The following PIK3C2G variants were observed in gnomAD, a reference collection of about 807,000 sequenced individuals.
PIK3C2G encodes the protein phosphatidylinositol-4-phosphate 3-kinase catalytic subunit type 2 gamma.
A neutral mutation model predicts 181.1 loss-of-function variants in PIK3C2G; 168 were observed. The observed-to-expected ratio is 0.93, with a 90% CI of 0.82 to 1.05. The LOEUF (loss-of-function observed/expected upper bound fraction) is 1.05. Ranked by LOEUF, PIK3C2G falls within the 50% of genes least tolerant of loss-of-function variation. PIK3C2G has a pLI of 0.00. For missense variants in PIK3C2G, 1,869 were observed against 1,732.8 expected, an observed-to-expected ratio of 1.08 and a Z score of -1.40; for synonymous variants, 573 against 592.2, an observed-to-expected ratio of 0.97 and a Z score of 0.47.
chr12:18,276,909 C>A (rs979871395), intron 1 of PIK3C2G, among the ~76,000 whole-genome samples: 4 of 152,070 alleles, frequency 2.6e-5, no homozygotes, highest in Non-Finnish European at 4.4e-5. Context: ...AATCTTTAGG[C>A]AGTTTAATGG....
At chr12:18,611,493 T>C (rs1948332289) in intron 31 of PIK3C2G, among the ~76,000 whole-genome samples, 1 of 152,126 alleles carries the variant, frequency 6.6e-6, no homozygotes, top group Non-Finnish European at 1.5e-5. Flanking sequence ...CTTACTTGTT[T>C]TTCTTTTCCA....
the PIK3C2G span, among the ~76,000 whole-genome samples, chr12:18,659,789 G>A: frequency 6.0e-5 from 9 of 150,618 alleles, no homozygotes; most frequent in Non-Finnish European, 1.0e-4. Context: ...TCGTTATTTA[G>A]CATTATGTAT....
intron 16 of PIK3C2G, among the ~76,000 whole-genome samples, chr12:18,420,465 A>G (rs1004772684): frequency 6.6e-6 from 1 of 152,140 alleles, no homozygotes; most frequent in Non-Finnish European, 1.5e-5. Context: ...AGCTGTATTA[A>G]ATTATTTTTG....
Position 18,478,720 on chromosome 12 carries a change from G to A in PIK3C2G, c.2505-9729G>A, listed in dbSNP as rs535001090. Reference sequence around the variant, plus strand: ...AGGCTGGGCATGGTGGCTCATGCCTGTAATCCCAACACTTTGGGAGGCCAA... The same window carrying A: ...AGGCTGGGCATGGTGGCTCATGCCTATAATCCCAACACTTTGGGAGGCCAA... On this transcript the variant is annotated intron_variant, in intron 18 of 32. Coordinates refer to ENST00000538779, the MANE Select transcript of PIK3C2G (RefSeq NM_001288772.2). Among the ~76,000 whole-genome samples, 4 of 152,282 alleles carry A rather than the reference G, an allele frequency of 2.6e-5. No individual in the cohort carries two copies. The South Asian group carries it at 8.3e-4, about 32-fold the overall frequency.
chr12:18,267,352 CAT>C (rs1452990085), intron 1 of PIK3C2G, among the ~76,000 whole-genome samples: 6 of 151,962 alleles, frequency 3.9e-5, no homozygotes, highest in African/African-American at 7.3e-5. Context: ...TAATAGAACA[CAT>C]GATTTCTTAA....
chr12:18,635,058 C>A (rs967625639), intron 31 of PIK3C2G, among the ~76,000 whole-genome samples: 2 of 152,214 alleles, frequency 1.3e-5, no homozygotes, highest in African/African-American at 4.8e-5. Context: ...AGCAGGTGAA[C>A]TGCTTGAAAT....
At chr12:18,518,744 A>C (rs1312258271) in intron 24 of PIK3C2G, among the ~76,000 whole-genome samples, 3 of 151,884 alleles carry the variant, frequency 2.0e-5, no homozygotes, top group African/African-American at 7.3e-5. Flanking sequence ...ATTCTGCTTT[A>C]ATCTTAGTTA....
At chr12:18,377,055 C>T (rs1942498430) in intron 13 of PIK3C2G, among the ~76,000 whole-genome samples, 1 of 152,200 alleles carries the variant, frequency 6.6e-6, no homozygotes, top group Non-Finnish European at 1.5e-5. Flanking sequence ...CTGGGCTCTA[C>T]TCTTGCACAT....
At chr12:18,438,845 A>G (rs1946585274) in intron 18 of PIK3C2G, among the ~76,000 whole-genome samples, 1 of 151,904 alleles carries the variant, frequency 6.6e-6, no homozygotes, top group Non-Finnish European at 1.5e-5. Context: ...TTTATTACCT[A>G]TACAAGAAAT....
At chr12:18,685,363 T>C in the PIK3C2G span, 4 of 161,792 alleles carry the variant, frequency 2.5e-5, no homozygotes, top group Non-Finnish European at 5.5e-5. Flanking sequence ...GAAATTCACA[T>C]CCAGATTAAA....
At chr12:18,311,626 C>T (rs972552064) in intron 5 of PIK3C2G, among the ~76,000 whole-genome samples, 33 of 152,054 alleles carry the variant, frequency 2.2e-4, no homozygotes, top group Middle Eastern at 6.8e-3. Context: ...TGTATACACA[C>T]ACGTTTAGTG....
At chr12:18,476,506 G>A (rs1222909897) in intron 18 of PIK3C2G, among the ~76,000 whole-genome samples, 1 of 152,080 alleles carries the variant, frequency 6.6e-6, no homozygotes, top group Non-Finnish European at 1.5e-5. Flanking sequence ...AAAAAAGGAA[G>A]AGAGGGCGGG....
At chr12:18,495,680 G>A (rs960148606) in intron 20 of PIK3C2G, among the ~76,000 whole-genome samples, 13 of 152,174 alleles carry the variant, frequency 8.5e-5, no homozygotes, top group African/African-American at 3.1e-4. Context: ...AGAAATAATG[G>A]AAGGGAAATA....
the PIK3C2G span, among the ~76,000 whole-genome samples, chr12:18,707,356 T>C: frequency 1.9e-4 from 29 of 152,304 alleles, no homozygotes; most frequent in African/African-American, 2.4e-5. Context: ...ATTCTGAGAC[T>C]GGGCAAAGTG....
chr12:18,297,455 T>C (rs984329776), intron 5 of PIK3C2G, among the ~76,000 whole-genome samples: 3 of 152,098 alleles, frequency 2.0e-5, no homozygotes, highest in African/African-American at 7.2e-5. Context: ...TATTTGGATA[T>C]CTACATAGAA....
At chr12:18,533,242 C>A (rs1943653079) in intron 24 of PIK3C2G, among the ~76,000 whole-genome samples, 1 of 152,076 alleles carries the variant, frequency 6.6e-6, no homozygotes, top group Non-Finnish European at 1.5e-5. Flanking sequence ...AATGAGTACC[C>A]TCATTTTAAT....
At chr12:18,261,960 A>C (rs1010692397) in intron 1 of PIK3C2G, among the ~76,000 whole-genome samples, 3 of 151,948 alleles carry the variant, frequency 2.0e-5, no homozygotes, top group Non-Finnish European at 4.4e-5. Context: ...CTTAGTGTAC[A>C]CTTTTAGTGT....
At chr12:18,724,049 G>C in the PIK3C2G span, among the ~76,000 whole-genome samples, 1 of 152,104 alleles carries the variant, frequency 6.6e-6, no homozygotes, top group South Asian at 2.1e-4. Context: ...CAATAAGAAA[G>C]AGTGGATTCG....
Position 18,471,078 on chromosome 12 carries a change from C to T in PIK3C2G, c.2505-17371C>T, listed in dbSNP as rs149102883. Among the ~76,000 whole-genome samples, 138 of 152,188 alleles carry T rather than the reference C, an allele frequency of 9.1e-4. 2 individuals are homozygous for T. The East Asian group carries it at 0.021, about 23-fold the overall frequency. ...ACTTACTCTAAACTATTTTTCTTCCCTCCAATGTACCAGAGTCACCCTCAG... is the reference window on the plus strand; with the variant it reads ...ACTTACTCTAAACTATTTTTCTTCCTTCCAATGTACCAGAGTCACCCTCAG... On this transcript the variant is annotated intron_variant, in intron 18 of 32. Coordinates refer to ENST00000538779, the MANE Select transcript of PIK3C2G (RefSeq NM_001288772.2).
Sources: gnomAD v4.1 joint callset for allele counts (sites outside exome capture counted in the v4.1 genomes callset) on GRCh38, gnomAD v4.1.1 for gene constraint, MANE v1.5 for transcripts, NCBI Gene and HGNC (gene_info 2026-07-23, HGNC 2026-07-21) for gene names.